The following MTFR1 variants were observed in gnomAD, a reference collection of about 807,000 sequenced individuals.
MTFR1 encodes chondrocyte protein with a poly-proline region.
A neutral mutation model predicts 38.8 loss-of-function variants in MTFR1; 28 were observed. The ratio of observed to expected loss-of-function variants is 0.72; its 90% confidence interval spans 0.53 to 0.99. The LOEUF is 0.99. Ranked by LOEUF, MTFR1 falls within the 50% of genes least tolerant of loss-of-function variation. The pLI is 0.00. For missense variants in MTFR1, 358 were observed against 395.5 expected, an observed-to-expected ratio of 0.91 and a Z score of 0.81; for synonymous variants, 145 against 137.0, an observed-to-expected ratio of 1.06 and a Z score of -0.41.
At chr8:65,664,924 TAA>T (rs1416884076) in intron 1 of MTFR1, among the ~76,000 whole-genome samples, 3 of 146,782 alleles carry the variant, frequency 2.0e-5, no homozygotes, top group Non-Finnish European at 3.0e-5. Flanking sequence ...TTCATGCTTT[TAA>T]AAAAAAATTT....
At chr8:65,657,306 C>T (rs1809295592) in intron 1 of MTFR1, among the ~76,000 whole-genome samples, 1 of 152,182 alleles carries the variant, frequency 6.6e-6, no homozygotes, top group African/African-American at 2.4e-5. Flanking sequence ...AGCAACTGCG[C>T]CCAGTCTATT....
chr8:65,759,695 C>G (rs1808402456), intron 3 of MTFR1, among the ~76,000 whole-genome samples: 1 of 152,132 alleles, frequency 6.6e-6, no homozygotes, highest in Admixed American at 6.5e-5. Flanking sequence ...GAATGGCATT[C>G]ACCCCTTTCT....
At chr8:65,660,977 A>G (rs1809397291) in intron 1 of MTFR1, among the ~76,000 whole-genome samples, 5 of 152,238 alleles carry the variant, frequency 3.3e-5, no homozygotes, top group Non-Finnish European at 7.3e-5. Flanking sequence ...TGAAAAGGCT[A>G]TATACTGTGT....
chr8:65,765,265 G>A (rs1016327021), intron 3 of MTFR1, among the ~76,000 whole-genome samples: 11 of 151,636 alleles, frequency 7.3e-5, no homozygotes, highest in South Asian at 2.1e-4. Context: ...CGAGGCGGGC[G>A]GATCACGAGG....
intron 3 of MTFR1, chr8:65,682,917 T>C (rs1804946339): frequency 2.0e-6 from 2 of 985,250 alleles, no homozygotes; most frequent in Non-Finnish European, 2.4e-6. Flanking sequence ...ATCCATTGCC[T>C]TGGCAATGAC....
chr8:65,774,228 C>A (rs1053473866), downstream of MTFR1, among the ~76,000 whole-genome samples: 1 of 152,166 alleles, frequency 6.6e-6, no homozygotes, highest in African/African-American at 2.4e-5. Flanking sequence ...ACCCCACTAT[C>A]GCTGAAGTAT....
chr8:65,647,553 A>T (rs1485564499), intron 1 of MTFR1, among the ~76,000 whole-genome samples: 1 of 152,180 alleles, frequency 6.6e-6, no homozygotes, highest in Non-Finnish European at 1.5e-5. Flanking sequence ...CAGTTGATCC[A>T]ACTGCCTCAG....
intron 1 of MTFR1, among the ~76,000 whole-genome samples, chr8:65,649,803 C>T (rs999794020): frequency 6.7e-5 from 10 of 150,304 alleles, no homozygotes; most frequent in Non-Finnish European, 1.3e-4. Flanking sequence ...CCCCCCCACA[C>T]TGTCCTTTGC....
intron 7 of MTFR1, chr8:65,708,228 A>ATTTTC: frequency 2.1e-6 from 2 of 971,938 alleles, no homozygotes; most frequent in Non-Finnish European, 2.9e-6. Flanking sequence ...CTATGAAAAT[A>ATTTTC]ATAGTTGTTC....
chr8:65,660,943 T>A (rs1240425211), intron 1 of MTFR1, among the ~76,000 whole-genome samples: 1 of 152,198 alleles, frequency 6.6e-6, no homozygotes, highest in Admixed American at 6.5e-5. Context: ...CTTAAATGCA[T>A]ATTACTAGGC....
At chr8:65,719,204 T>C in intron 2 of MTFR1, 1 of 864,548 alleles carries the variant, frequency 1.2e-6, no homozygotes, top group Non-Finnish European at 1.9e-6. Flanking sequence ...ACCTTGGCAG[T>C]CAAGAGTTAA....
intron 1 of MTFR1, among the ~76,000 whole-genome samples, chr8:65,645,123 C>G (rs1482988708): frequency 6.6e-6 from 1 of 152,204 alleles, no homozygotes; most frequent in African/African-American, 2.4e-5. Context: ...TTCGGACCCC[C>G]GGTTCCCGCG....
At chr8:65,744,778 T>C (rs1041193332) in intron 3 of MTFR1, among the ~76,000 whole-genome samples, 6 of 152,238 alleles carry the variant, frequency 3.9e-5, no homozygotes, top group African/African-American at 1.2e-4. Context: ...GCAGCGGCAA[T>C]TGCCAACCAA....
chr8:65,734,448 C>T (rs913949529), intron 3 of MTFR1, among the ~76,000 whole-genome samples: 1 of 152,190 alleles, frequency 6.6e-6, no homozygotes, highest in South Asian at 2.1e-4. Flanking sequence ...TCTAAAGTCT[C>T]CTGCCTCCTC....
intron 3 of MTFR1, among the ~76,000 whole-genome samples, chr8:65,770,117 A>G (rs1187983654): frequency 3.0e-5 from 4 of 133,042 alleles, no homozygotes; most frequent in Non-Finnish European, 1.6e-5. Context: ...CTTGCAGTAT[A>G]CTTCTGTGTG....
In MTFR1 at chr8:65,685,890, C is replaced by A. The variant is rs146252841; in HGVS notation, c.165+3439C>A. On this transcript the variant is annotated intron_variant, in intron 3 of 7. Coordinates refer to ENST00000262146, the MANE Select transcript of MTFR1 (RefSeq NM_014637.4). The stretch of plus-strand genomic sequence containing the variant: ...ACAATTAAGGATTACAAAGAGCCTG[C>A]TCTACAGGGTTGAGGAGACAAGTAG... Among the ~76,000 whole-genome samples, 1,201 of 152,310 alleles carry A rather than the reference C, an allele frequency of 7.9e-3. 10 individuals are homozygous for A. The highest frequency in any genetic ancestry group is 0.024 in the South Asian group (116 of 4,822).
At chr8:65,657,389 T>C (rs553605021) in intron 1 of MTFR1, among the ~76,000 whole-genome samples, 1 of 152,248 alleles carries the variant, frequency 6.6e-6, no homozygotes, top group Non-Finnish European at 1.5e-5. Flanking sequence ...GGAAAAACCA[T>C]ATTCACACCA....
At chr8:65,733,762 C>T (rs566041443) in intron 3 of MTFR1, among the ~76,000 whole-genome samples, 9 of 152,210 alleles carry the variant, frequency 5.9e-5, no homozygotes, top group Non-Finnish European at 8.8e-5. Flanking sequence ...TACTAAAAAA[C>T]GGGCATTTTC....
At chr8:65,728,950 CAAAT>C (rs1016884895) in intron 3 of MTFR1, among the ~76,000 whole-genome samples, 1 of 151,986 alleles carries the variant, frequency 6.6e-6, no homozygotes, top group Non-Finnish European at 1.5e-5. Context: ...ACTTTAAAAA[CAAAT>C]CACACATGCA....
Sources: gnomAD v4.1 joint callset for allele counts (sites outside exome capture counted in the v4.1 genomes callset) on GRCh38, gnomAD v4.1.1 for gene constraint, MANE v1.5 for transcripts, NCBI Gene and HGNC (gene_info 2026-07-23, HGNC 2026-07-21) for gene names.